INO80D: variants seen among roughly 807,000 people sequenced by gnomAD.
INO80D encodes the protein INO80 complex subunit D.
Under a neutral mutation model 87.6 loss-of-function variants are expected in INO80D, and 21 were observed. The observed-to-expected ratio is 0.24, with a 90% confidence interval of 0.17 to 0.35. INO80D has a LOEUF of 0.35. Among genes scored for constraint, INO80D ranks in the 10% least tolerant of loss-of-function variants. The pLI is 1.00. For missense variants in INO80D, 982 were observed against 1,280.7 expected, an observed-to-expected ratio of 0.77 and a Z score of 3.56; for synonymous variants, 440 against 491.0, an observed-to-expected ratio of 0.90 and a Z score of 1.37.
At chr2:206,045,058 C>A (rs139187025) in intron 5 of INO80D, among the ~76,000 whole-genome samples, 1 of 152,066 alleles carries the variant, frequency 6.6e-6, no homozygotes, top group South Asian at 2.1e-4. Context: ...AAGTGAGGAA[C>A]AACTGGGTGG....
chr2:206,016,709 C>G (rs146981741), intron 8 of INO80D, among the ~76,000 whole-genome samples: 2 of 152,106 alleles, frequency 1.3e-5, no homozygotes, highest in Non-Finnish European at 2.9e-5. Context: ...TGGTGGGAGA[C>G]GACTGAATTA....
In INO80D at chr2:206,009,825, G is replaced by C. The variant is rs1688123050; in HGVS notation, c.1543-31C>G. 7 of 1,542,084 alleles carry C rather than the reference G, an allele frequency of 4.5e-6. No individual in the cohort carries two copies. The East Asian group carries it at 1.6e-4, about 36-fold the overall frequency. ...GAATGAATAAATAGGCTTTTAAATT[G>C]AGATTATCTGGGATAAACCTGACAG... On this transcript the variant is annotated intron_variant, in intron 8 of 10. Transcript: ENST00000403263.
At chr2:206,015,561 G>A (rs1305074437) in intron 8 of INO80D, among the ~76,000 whole-genome samples, 1 of 152,136 alleles carries the variant, frequency 6.6e-6, no homozygotes, top group Non-Finnish European at 1.5e-5. Context: ...TTGAGGCTTG[G>A]GAACCTCCGC....
chr2:206,073,911 A>G (rs1690038822), intron 1 of INO80D, among the ~76,000 whole-genome samples: 1 of 151,852 alleles, frequency 6.6e-6, no homozygotes, highest in Non-Finnish European at 1.5e-5. Flanking sequence ...GTGTCTCACT[A>G]TGTTGCCCAG....
intron 1 of INO80D, among the ~76,000 whole-genome samples, chr2:206,082,139 G>T (rs1690302682): frequency 6.6e-6 from 1 of 152,192 alleles, no homozygotes; most frequent in South Asian, 2.1e-4. Flanking sequence ...TCCTGCCTCA[G>T]CCTCCAGAGT....
At chr2:206,044,530 A>AG (rs1426496129) in intron 5 of INO80D, among the ~76,000 whole-genome samples, 3 of 151,734 alleles carry the variant, frequency 2.0e-5, no homozygotes, top group Non-Finnish European at 4.4e-5. Context: ...GAAAAGAACC[A>AG]GGGGAGCAGA....
intron 5 of INO80D, among the ~76,000 whole-genome samples, chr2:206,033,212 A>AAC (rs1331873175): frequency 2.0e-5 from 3 of 152,226 alleles, no homozygotes; most frequent in Non-Finnish European, 4.4e-5. Flanking sequence ...ACTTTAAAGT[A>AAC]ACAGCAGTTA....
chr2:206,012,612 G>A (rs1158190866), intron 8 of INO80D, among the ~76,000 whole-genome samples: 2 of 151,938 alleles, frequency 1.3e-5, no homozygotes, highest in African/African-American at 4.8e-5. Context: ...AGGCCTGTAA[G>A]ATCCCAGCAC....
In INO80D at chr2:206,056,676, T is replaced by C; in HGVS notation, c.486A>G (p.Lys162=). 6.2e-7 allele frequency: 1 copy of C among 1,613,478 alleles called. No individual in the cohort carries two copies. The highest frequency in any genetic ancestry group is 8.5e-7 in the Non-Finnish European group (1 of 1,179,696). ...GCAACTTCTTTCTCACAGTTGCCCCTTTCTTTAGGTCATCATCTTCCTCAT... is the reference window on the plus strand; with the variant it reads ...GCAACTTCTTTCTCACAGTTGCCCCCTTCTTTAGGTCATCATCTTCCTCAT... The part of the protein sequence containing the change: ...AFNEEDDDLK[K]GATVRKKLQS... The change falls in exon 4 of 11, where the codon AAA becomes AAG. Residue 162 remains lysine (K), a synonymous_variant. Transcript: ENST00000403263.
chr2:206,028,664 C>T (rs1161923435), intron 5 of INO80D, among the ~76,000 whole-genome samples: 1 of 152,094 alleles, frequency 6.6e-6, no homozygotes, highest in Non-Finnish European at 1.5e-5. Context: ...CCTTTACTTA[C>T]TAAAAAGTCT....
intron 3 of INO80D, among the ~76,000 whole-genome samples, chr2:206,057,849 T>C (rs1023510043): frequency 6.6e-6 from 1 of 151,352 alleles, no homozygotes; most frequent in African/African-American, 2.4e-5. Context: ...AAATGCTTTA[T>C]AGAATTCACC....
At chr2:206,063,279 G>A (rs982327811) in intron 1 of INO80D, 35 bp from the exon 2 acceptor site, 9 of 528,876 alleles carry the variant, frequency 1.7e-5, no homozygotes, top group Non-Finnish European at 2.6e-5. Flanking sequence ...TTAACAAACA[G>A]AAATAAGCAA....
chr2:206,017,167 A>C (rs553639082), intron 8 of INO80D, among the ~76,000 whole-genome samples: 1 of 152,340 alleles, frequency 6.6e-6, no homozygotes, highest in Admixed American at 6.5e-5. Flanking sequence ...ATGTTTATAG[A>C]GGGCAGGAAG....
intron 4 of INO80D, 91 bp downstream of exon 4, chr2:206,056,107 C>T (rs1016311050): frequency 1.0e-5 from 13 of 1,250,208 alleles, no homozygotes; most frequent in Middle Eastern, 2.3e-4. Flanking sequence ...ACCCCCATCA[C>T]ATATGGGGTA....
intron 5 of INO80D, among the ~76,000 whole-genome samples, chr2:206,031,659 G>GGA (rs1688770254): frequency 6.6e-6 from 1 of 152,196 alleles, no homozygotes; most frequent in Non-Finnish European, 1.5e-5. Flanking sequence ...TTAAAATAGT[G>GGA]GAGTGATCAT....
chr2:206,067,358 T>C (rs1373140651), intron 1 of INO80D, among the ~76,000 whole-genome samples: 3 of 152,042 alleles, frequency 2.0e-5, no homozygotes, highest in Non-Finnish European at 4.4e-5. Flanking sequence ...GGATACAAAA[T>C]TATGGCTAGA....
rs1687841470 is a variant in INO80D, at chr2:205,998,182, A to C, written c.*6186T>G. 6.6e-6 allele frequency: 1 copy of C among 152,158 alleles called. No homozygotes were observed. The highest frequency in any genetic ancestry group is 2.1e-4 in the South Asian group (1 of 4,826). The allele number at this position is 152,158 out of a possible 1,614,324, so 9.4% of individuals were successfully genotyped here. Reference sequence around the variant, plus strand: ...AACTTAGTTTACAAATTCCAGCTACAGTAGTTGGAGTTTTACTTGATCTAT... The same window carrying C: ...AACTTAGTTTACAAATTCCAGCTACCGTAGTTGGAGTTTTACTTGATCTAT... On this transcript the variant is annotated 3_prime_UTR_variant, in exon 11 of 11. Transcript: ENST00000403263.
At chr2:206,066,243 G>C (rs577431647) in intron 1 of INO80D, among the ~76,000 whole-genome samples, 3 of 151,916 alleles carry the variant, frequency 2.0e-5, no homozygotes, top group South Asian at 2.1e-4. Flanking sequence ...GTGATGGAGC[G>C]AGACGATGTC....
chr2:206,072,888 G>A (rs1453295674), intron 1 of INO80D, among the ~76,000 whole-genome samples: 4 of 147,334 alleles, frequency 2.7e-5, no homozygotes, highest in Non-Finnish European at 5.9e-5. Context: ...TCTTGTCAAG[G>A]CTAGAGTGTA....
Sources: allele counts gnomAD v4.1 joint callset (sites outside exome capture counted in the v4.1 genomes callset), GRCh38; gene constraint gnomAD v4.1.1; transcripts MANE v1.5; gene names NCBI Gene and HGNC (gene_info 2026-07-23, HGNC 2026-07-21).